PRKN: variants seen among roughly 807,000 people sequenced by gnomAD.
The protein encoded by PRKN is parkin RBR E3 ubiquitin protein ligase.
Under a neutral mutation model 59.5 loss-of-function variants are expected in PRKN, and 56 were observed. The observed-to-expected ratio is 0.94, with a 90% CI of 0.76 to 1.18. The LOEUF is 1.18. Among genes scored for constraint, PRKN ranks in the 50% most tolerant of loss-of-function variants. The pLI, the probability that PRKN is intolerant of heterozygous loss-of-function variation, is 0.00. For missense variants in PRKN, 657 were observed against 596.4 expected (o/e 1.10, Z -1.06); for synonymous variants, 250 against 222.1 (o/e 1.13, Z -1.12).
At chr6:162,388,947 CCAGA>C (rs1787005511) in intron 2 of PRKN, among the ~76,000 whole-genome samples, 2 of 147,080 alleles carry the variant, frequency 1.4e-5, no homozygotes, top group African/African-American at 2.5e-5. Flanking sequence ...GGCCAAGACC[CCAGA>C]CACTTTTTGT....
intron 4 of PRKN, among the ~76,000 whole-genome samples, chr6:162,101,986 G>A (rs1779990413): frequency 6.6e-6 from 1 of 152,144 alleles, no homozygotes; most frequent in Non-Finnish European, 1.5e-5. Context: ...GATGTAAGTT[G>A]TCTCAATTAT....
rs555540838 is a variant in PRKN at position 161,842,449 on chromosome 6, G to A, written c.735-56541C>T. Among the ~76,000 whole-genome samples the A allele has an allele frequency of 4.1e-5, 6 of 147,494 alleles. No homozygotes were observed. The East Asian group carries it at 1.0e-3, about 25-fold the overall frequency. The stretch of plus-strand genomic sequence containing the variant: ...ATGGCACCACTGCACTCCAGCCTGG[G>A]CAACAGAATGAGACTCTAAAAAAAA... On this transcript the variant is annotated intron_variant, in intron 6 of 11. Coordinates refer to ENST00000366898, the MANE Select transcript of PRKN (RefSeq NM_004562.3).
intron 7 of PRKN, among the ~76,000 whole-genome samples, chr6:161,666,356 T>G (rs549166444): frequency 2.8e-4 from 43 of 152,328 alleles, no homozygotes; most frequent in Non-Finnish European, 5.1e-4. Flanking sequence ...ATGCATGGGA[T>G]GTAAGTTGTG....
intron 7 of PRKN, among the ~76,000 whole-genome samples, 194 bp from the exon 8 acceptor site, chr6:161,569,610 C>T (rs1198270770): frequency 6.6e-6 from 1 of 152,198 alleles, no homozygotes; most frequent in Admixed American, 6.5e-5. Context: ...TGCCTGGCCT[C>T]CAACCGCACC....
intron 6 of PRKN, among the ~76,000 whole-genome samples, chr6:161,810,383 T>C (rs1427412196): frequency 6.6e-6 from 1 of 152,242 alleles, no homozygotes; most frequent in Non-Finnish European, 1.5e-5. Context: ...CAAACTAATA[T>C]ACATGTATAT....
intron 1 of PRKN, among the ~76,000 whole-genome samples, chr6:162,654,942 TA>T (rs200265167): frequency 2.7e-3 from 406 of 150,108 alleles, no homozygotes; most frequent in African/African-American, 4.3e-3. Context: ...ATCATTTACT[TA>T]AAAAAAAAAT....
intron 9 of PRKN, among the ~76,000 whole-genome samples, chr6:161,437,621 G>C (rs1469004122): frequency 6.6e-6 from 1 of 152,126 alleles, no homozygotes; most frequent in African/African-American, 2.4e-5. Context: ...TTTTTACACA[G>C]GTATGGCCAA....
At chr6:161,804,040 G>A (rs1791206077) in intron 6 of PRKN, among the ~76,000 whole-genome samples, 1 of 152,246 alleles carries the variant, frequency 6.6e-6, no homozygotes. Context: ...ACCTGCAGCT[G>A]CCACAGCAGG....
intron 7 of PRKN, among the ~76,000 whole-genome samples, chr6:161,685,679 G>A (rs1785525907): frequency 6.6e-6 from 1 of 152,162 alleles, no homozygotes; most frequent in Non-Finnish European, 1.5e-5. Context: ...CAGGGGCTGG[G>A]GACCCCTGAT....
chr6:161,479,049 T>C (rs974265304), intron 9 of PRKN, among the ~76,000 whole-genome samples: 1 of 152,152 alleles, frequency 6.6e-6, no homozygotes, highest in South Asian at 2.1e-4. Context: ...AAAAAAGATA[T>C]ATTTGCTTAT....
intron 3 of PRKN, among the ~76,000 whole-genome samples, chr6:162,229,066 T>G (rs529437353): frequency 5.3e-5 from 8 of 152,334 alleles, no homozygotes; most frequent in African/African-American, 1.9e-4. Context: ...TCCTATGGCT[T>G]ACGTATCTAC....
intron 4 of PRKN, among the ~76,000 whole-genome samples, chr6:162,160,120 G>C (rs965001140): frequency 1.3e-5 from 2 of 152,162 alleles, no homozygotes; most frequent in Non-Finnish European, 1.5e-5. Context: ...AGCATGCACA[G>C]ACTAAGAGAA....
rs539889684 is a variant in PRKN, at chr6:161,585,966, A to C, written c.872-16550T>G. ...TCTCCATAAGGGTAAATTTGTAAGG[A>C]AGAATTTCTTTAATTGTTTTTCCAA... is the stretch of plus-strand genomic sequence containing the variant. On this transcript the variant is annotated intron_variant, in intron 7 of 11. Coordinates refer to ENST00000366898, the MANE Select transcript of PRKN (RefSeq NM_004562.3). Among the ~76,000 whole-genome samples, 3 of 152,258 alleles carry C rather than the reference A, an allele frequency of 2.0e-5. No homozygotes were observed. The East Asian group carries it at 5.8e-4, about 29-fold the overall frequency.
chr6:161,761,001 T>C (rs1386655308), intron 7 of PRKN, among the ~76,000 whole-genome samples: 1 of 152,178 alleles, frequency 6.6e-6, no homozygotes, highest in African/African-American at 2.4e-5. Flanking sequence ...TATTCAGCAA[T>C]CACTTCAGAA....
chr6:161,415,407 C>T (rs1306062858), intron 9 of PRKN, among the ~76,000 whole-genome samples: 2 of 152,088 alleles, frequency 1.3e-5, no homozygotes, highest in Non-Finnish European at 2.9e-5. Flanking sequence ...AACGACACTA[C>T]CTACATGAAC....
chr6:162,225,958 A>G (rs559749725), intron 3 of PRKN, among the ~76,000 whole-genome samples: 1 of 147,762 alleles, frequency 6.8e-6, no homozygotes, highest in African/African-American at 2.5e-5. Context: ...TTTCCTAAAC[A>G]TATATGTTTA....
At chr6:161,788,319 G>C (rs944985025) in intron 6 of PRKN, among the ~76,000 whole-genome samples, 1 of 152,182 alleles carries the variant, frequency 6.6e-6, no homozygotes. Context: ...ACCCTGTGCA[G>C]TGACAGGAGC....
chr6:161,832,043 T>C (rs1466643650), intron 6 of PRKN, among the ~76,000 whole-genome samples: 2 of 152,190 alleles, frequency 1.3e-5, no homozygotes, highest in African/African-American at 2.4e-5. Flanking sequence ...CCATGTAGGA[T>C]TGGATACATT....
intron 7 of PRKN, among the ~76,000 whole-genome samples, chr6:161,637,560 C>T (rs115055669): frequency 0.011 from 1,732 of 152,256 alleles, 17 homozygotes; most frequent in Middle Eastern, 0.034. Flanking sequence ...GCACGACCTG[C>T]CTTTCGTGTT....
Sources: gnomAD v4.1 joint callset for allele counts (sites outside exome capture counted in the v4.1 genomes callset) on GRCh38, gnomAD v4.1.1 for gene constraint, MANE v1.5 for transcripts, NCBI Gene and HGNC (gene_info 2026-07-23, HGNC 2026-07-21) for gene names.